The following GRIA4 variants were observed in gnomAD, a reference collection of about 807,000 sequenced individuals.
GRIA4 encodes the protein glutamate receptor 4.
Under a neutral mutation model 104.0 loss-of-function variants are expected in GRIA4, and 34 were observed. That is an observed-to-expected ratio of 0.33 (90% confidence interval 0.25 to 0.44). GRIA4 has a LOEUF of 0.44. Among genes scored for constraint, GRIA4 ranks in the 20% least tolerant of loss-of-function variants. The pLI, the probability that GRIA4 is intolerant of heterozygous loss-of-function variation, is 1.00. For missense variants in GRIA4, 750 were observed against 1,096.5 expected, an observed-to-expected ratio of 0.68 and a Z score of 4.46; for synonymous variants, 386 against 381.9, an observed-to-expected ratio of 1.01 and a Z score of -0.13.
At chr11:105,692,838 T>C (rs1166512434) in intron 3 of GRIA4, among the ~76,000 whole-genome samples, 1 of 152,120 alleles carries the variant, frequency 6.6e-6, no homozygotes. Context: ...CATAGTATAC[T>C]TTACTTCAGT....
Position 105,958,594 on chromosome 11 carries a change from T to C in GRIA4, c.2295-13320T>C, listed in dbSNP as rs185230731. On this transcript the variant is annotated intron_variant, in intron 14 of 16. Transcript: ENST00000282499. ...ATTCTCTTTTTTTTTGTTGTGTCTC[T>C]GCCAGGCTTGGTATCAGGATGATGC... 3.6e-3 allele frequency among the ~76,000 whole-genome samples: 543 copies of C among 152,298 alleles called. 4 individuals carry two copies. The highest frequency in any genetic ancestry group is 0.012 in the African/African-American group (519 of 41,558).
At chr11:105,977,992 C>G (rs1193955527) in intron 16 of GRIA4, among the ~76,000 whole-genome samples, 1 of 152,022 alleles carries the variant, frequency 6.6e-6, no homozygotes, top group African/African-American at 2.4e-5. Flanking sequence ...AAATTCAATT[C>G]TGTTCAATTT....
intron 6 of GRIA4, among the ~76,000 whole-genome samples, chr11:105,898,064 A>T (rs1030260844): frequency 1.3e-5 from 2 of 152,166 alleles, no homozygotes; most frequent in Non-Finnish European, 1.5e-5. Flanking sequence ...TCTTTGTCTC[A>T]TGTATTGGAT....
At chr11:105,924,189 T>C (rs1196354617) in intron 11 of GRIA4, among the ~76,000 whole-genome samples, 1 of 152,182 alleles carries the variant, frequency 6.6e-6, no homozygotes, top group African/African-American at 2.4e-5. Context: ...TACTGGAACA[T>C]ATTAAAATGT....
intron 5 of GRIA4, among the ~76,000 whole-genome samples, chr11:105,866,547 G>GTA (rs1240615789): frequency 0.049 from 2,053 of 42,126 alleles, 25 homozygotes; most frequent in Middle Eastern, 0.078. Flanking sequence ...GTGTGTGTGT[G>GTA]TGTGTATATA....
At chr11:105,813,731 G>A (rs540758161) in intron 4 of GRIA4, among the ~76,000 whole-genome samples, 2 of 152,238 alleles carry the variant, frequency 1.3e-5, no homozygotes, top group South Asian at 4.2e-4. Context: ...TTCCAGTAGT[G>A]TTCTTCTCTC....
chr11:105,714,844 G>A (rs919810180), intron 3 of GRIA4, among the ~76,000 whole-genome samples: 3 of 151,862 alleles, frequency 2.0e-5, no homozygotes, highest in Admixed American at 1.3e-4. Flanking sequence ...TGTTCTGGCT[G>A]TTTCTGCAGG....
At chr11:105,685,702 A>G (rs1455333379) in intron 3 of GRIA4, among the ~76,000 whole-genome samples, 1 of 152,192 alleles carries the variant, frequency 6.6e-6, no homozygotes, top group East Asian at 1.9e-4. Context: ...ACATTCTATG[A>G]GAAGAGAAAG....
At chr11:105,709,213 A>G (rs1190212298) in intron 3 of GRIA4, among the ~76,000 whole-genome samples, 1 of 152,166 alleles carries the variant, frequency 6.6e-6, no homozygotes, top group Non-Finnish European at 1.5e-5. Context: ...AATAGTGGTC[A>G]TAATGTGTTA....
chr11:105,927,591 T>A (rs754576285), intron 13 of GRIA4, among the ~76,000 whole-genome samples: 1 of 152,080 alleles, frequency 6.6e-6, no homozygotes, highest in Non-Finnish European at 1.5e-5. Context: ...TATAATTGCA[T>A]TATATATATG....
At chr11:105,694,781 G>T (rs1953210688) in intron 3 of GRIA4, among the ~76,000 whole-genome samples, 2 of 151,952 alleles carry the variant, frequency 1.3e-5, no homozygotes, top group Non-Finnish European at 2.9e-5. Context: ...TAAATATCAA[G>T]GATTTTAAAT....
intron 15 of GRIA4, 48 bp from the exon 16 acceptor site, chr11:105,974,262 T>C: frequency 1.3e-6 from 2 of 1,578,172 alleles, no homozygotes; most frequent in South Asian, 2.3e-5. Flanking sequence ...TTTTACCTTT[T>C]GGATGTGACA....
At chr11:105,941,876 G>A (rs925587176) in intron 14 of GRIA4, among the ~76,000 whole-genome samples, 5 of 151,902 alleles carry the variant, frequency 3.3e-5, no homozygotes, top group South Asian at 4.1e-4. Context: ...ATAGATAAGC[G>A]GCCTCTGAAT....
At chr11:105,969,551 C>G (rs1279818728) in intron 14 of GRIA4, among the ~76,000 whole-genome samples, 1 of 152,146 alleles carries the variant, frequency 6.6e-6, no homozygotes, top group Non-Finnish European at 1.5e-5. Context: ...AGAGAGAAGC[C>G]TAATGCAGTC....
intron 3 of GRIA4, among the ~76,000 whole-genome samples, chr11:105,715,638 A>C (rs1233954092): frequency 6.6e-6 from 1 of 152,228 alleles, no homozygotes; most frequent in Non-Finnish European, 1.5e-5. Flanking sequence ...ATTTTAAAGA[A>C]TGTAATTCTG....
chr11:105,611,174 G>T (rs1950469445), intron 2 of GRIA4, 89 bp downstream of exon 2: 2 of 905,966 alleles, frequency 2.2e-6, no homozygotes, highest in Non-Finnish European at 3.7e-6. Context: ...AGCAATTCAG[G>T]GAAACCTTCA....
At chr11:105,638,539 A>ATGTGTGTG (rs66610848) in intron 3 of GRIA4, among the ~76,000 whole-genome samples, 6 of 149,484 alleles carry the variant, frequency 4.0e-5, no homozygotes, top group Admixed American at 6.7e-5. Context: ...GTGCGCGTGT[A>ATGTGTGTG]TGTGTGTGTG....
Position 105,981,552 on chromosome 11 carries a change from A to G in GRIA4, c.*1813A>G, listed in dbSNP as rs1859248073. On this transcript the variant is annotated 3_prime_UTR_variant, in exon 17 of 17. Coordinates refer to ENST00000282499, the MANE Select transcript of GRIA4 (RefSeq NM_000829.4). ...GTAAGAGCAATCTTAAACAGTATAAATCACACACACACACACACACACACA... is the reference window on the plus strand; with the variant it reads ...GTAAGAGCAATCTTAAACAGTATAAGTCACACACACACACACACACACACA... 4.7e-5 allele frequency: 1 copy of G among 21,468 alleles called. No individual in the cohort carries two copies. The highest frequency in any genetic ancestry group is 9.1e-5 in the Non-Finnish European group (1 of 10,982). The allele number at this position is 21,468 out of a possible 1,614,324, so 1.3% of individuals were successfully genotyped here. A position where few individuals can be genotyped will look rare whatever the true frequency, so the allele number is the denominator to read the frequency against.
At chr11:105,918,994 T>C in intron 11 of GRIA4, 76 bp downstream of exon 11, 1 of 849,124 alleles carries the variant, frequency 1.2e-6, no homozygotes, top group Non-Finnish European at 2.0e-6. Context: ...ATAACAATTT[T>C]TAAACGTCTA....
Sources: allele counts gnomAD v4.1 joint callset (sites outside exome capture counted in the v4.1 genomes callset), GRCh38; gene constraint gnomAD v4.1.1; transcripts MANE v1.5; gene names NCBI Gene and HGNC (gene_info 2026-07-23, HGNC 2026-07-21).